The following SENP1 variants were observed in gnomAD, a reference collection of about 807,000 sequenced individuals.
SENP1 encodes the protein sentrin-specific protease 1.
SENP1 carries 21 observed loss-of-function variants against 93.0 expected under a neutral mutation model. That is an observed-to-expected ratio of 0.23 (90% CI 0.16 to 0.33). The LOEUF (loss-of-function observed/expected upper bound fraction) is 0.33. Among genes scored for constraint, SENP1 ranks in the 10% least tolerant of loss-of-function variants. SENP1 has a pLI of 1.00. For synonymous variants in SENP1, 256 were observed against 259.6 expected, an observed-to-expected ratio of 0.99 and a Z score of 0.13; for missense variants, 591 against 758.7, an observed-to-expected ratio of 0.78 and a Z score of 2.60.
intron 6 of SENP1, among the ~76,000 whole-genome samples, 187 bp from the exon 7 acceptor site, chr12:48,074,980 G>A (rs945571857): frequency 6.6e-6 from 1 of 152,044 alleles, no homozygotes; most frequent in Non-Finnish European, 1.5e-5. Context: ...GACAAGCGGG[G>A]AGGATCATTT....
At chr12:48,089,289 T>C in intron 4 of SENP1, 1 of 1,372,600 alleles carries the variant, frequency 7.3e-7, no homozygotes, top group Non-Finnish European at 9.7e-7. Context: ...CTCCCAGGCC[T>C]GGGCCTGAAA....
intron 6 of SENP1, among the ~76,000 whole-genome samples, chr12:48,081,944 A>G (rs1944522577): frequency 6.6e-6 from 1 of 151,948 alleles, no homozygotes. Flanking sequence ...GCTGGAGTGC[A>G]GTGGCGCGAT....
intron 13 of SENP1, among the ~76,000 whole-genome samples, chr12:48,052,379 G>C (rs149240846): frequency 6.6e-6 from 1 of 152,266 alleles, no homozygotes; most frequent in Non-Finnish European, 1.5e-5. Flanking sequence ...GAGAAAAAAT[G>C]TTCTAAAAGG....
Position 48,074,683 on chromosome 12 carries a change from G to T in SENP1, c.656+7C>A. ...AAATTCATCTGAAATATGCTTCTGT[G>T]ACTCACAGGTGTAAAGGAAAATGTG... On this transcript the variant is annotated splice_region_variant and intron_variant, in intron 7 of 17. Coordinates refer to ENST00000549518, the MANE Select transcript of SENP1 (RefSeq NM_001267594.2). 2 of 1,610,930 alleles carry T rather than the reference G, an allele frequency of 1.2e-6. No homozygotes were observed. The highest frequency in any genetic ancestry group is 1.7e-6 in the Non-Finnish European group (2 of 1,177,590).
intron 4 of SENP1, among the ~76,000 whole-genome samples, chr12:48,094,340 A>G (rs952844505): frequency 1.3e-5 from 2 of 152,082 alleles, no homozygotes; most frequent in African/African-American, 2.4e-5. Context: ...TGAACATGTC[A>G]CCACACTCCA....
intron 10 of SENP1, among the ~76,000 whole-genome samples, chr12:48,066,273 GT>G (rs1188632602): frequency 2.0e-5 from 3 of 151,870 alleles, no homozygotes; most frequent in Non-Finnish European, 4.4e-5. Context: ...AGTTCCTTAA[GT>G]GAGACTAAAT....
At chr12:48,092,019 T>A (rs888886278) in intron 4 of SENP1, among the ~76,000 whole-genome samples, 2 of 152,134 alleles carry the variant, frequency 1.3e-5, no homozygotes, top group African/African-American at 2.4e-5. Flanking sequence ...TTTTATTTTT[T>A]AAAAAAATCA....
intron 1 of SENP1, among the ~76,000 whole-genome samples, chr12:48,103,046 G>C (rs913269825): frequency 2.6e-5 from 4 of 152,014 alleles, no homozygotes; most frequent in African/African-American, 7.3e-5. Context: ...CAGATTAAGG[G>C]GGAAAAAATC....
intron 8 of SENP1, among the ~76,000 whole-genome samples, chr12:48,072,534 TTGAACCCAGGACATGCGAGGTTGCAG>T (rs1943776503): frequency 6.6e-6 from 1 of 152,144 alleles, no homozygotes; most frequent in African/African-American, 2.4e-5. Context: ...GCAGAATCGC[TTGAACCCAGGACATGCGAGGTTGCAG>T]TGAACCAAGA....
chr12:48,046,259 T>G, intron 17 of SENP1, 97 bp downstream of exon 17: 1 of 767,718 alleles, frequency 1.3e-6, no homozygotes, highest in Admixed American at 1.9e-5. Flanking sequence ...AAGGTTAGGG[T>G]AGAGGCCCCT....
intron 6 of SENP1, among the ~76,000 whole-genome samples, chr12:48,078,467 G>A (rs376399773): frequency 6.0e-5 from 9 of 151,226 alleles, no homozygotes; most frequent in African/African-American, 2.2e-4. Flanking sequence ...GTTCTTTGGT[G>A]GAGTCTGTAG....
At chr12:48,099,684 T>C (rs1378494466) in intron 2 of SENP1, among the ~76,000 whole-genome samples, 1 of 152,074 alleles carries the variant, frequency 6.6e-6, no homozygotes, top group Non-Finnish European at 1.5e-5. Context: ...TAGTGGCACA[T>C]GCCTGTAATC....
intron 15 of SENP1, 59 bp downstream of exon 15, chr12:48,047,942 C>T: frequency 9.1e-7 from 1 of 1,097,178 alleles, no homozygotes; most frequent in Non-Finnish European, 1.4e-6. Context: ...AGTTCAATTA[C>T]TGGAAAAACA....
At chr12:48,082,690 A>C in intron 6 of SENP1, among the ~76,000 whole-genome samples, 1 of 152,248 alleles carries the variant, frequency 6.6e-6, no homozygotes, top group Admixed American at 6.5e-5. Flanking sequence ...TATATGCTAC[A>C]TTACATTCAC....
rs11838217 is a variant in SENP1 at position 48,087,388 on chromosome 12, G to A, written c.380+1413C>T. On this transcript the variant is annotated intron_variant, in intron 5 of 17. Transcript: ENST00000549518. The stretch of plus-strand genomic sequence containing the variant: ...TTCCCAAAGTATTTGTACTACTTCT[G>A]TAATAACATTTTTTTAAAATAACAG... 4.7e-3 allele frequency among the ~76,000 whole-genome samples: 721 copies of A among 152,112 alleles called. 7 individuals are homozygous for A. Among genetic ancestry groups the A allele is most frequent in the African/African-American group, 0.016 (646 of 41,494 alleles).
At position 48,088,834 on chromosome 12, in the gene SENP1, C is replaced by T. The variant is rs756535781; in HGVS notation, c.347G>A (p.Arg116Gln). 6.2e-6 allele frequency: 10 copies of T among 1,608,966 alleles called. No homozygotes were observed. Among genetic ancestry groups the T allele is most frequent in the African/African-American group, 2.7e-5 (2 of 74,808 alleles). Residue 116 changes from arginine (R) to glutamine (Q), a missense_variant, in exon 5 of 18, where the codon CGA becomes CAA. Arg to Gln is a conservative substitution (Grantham distance 43, BLOSUM62 1). Transcript: ENST00000549518. ...SSSLQKSRNS[R>Q]SLYLETRKTS... is the part of the protein sequence containing the mutation. Reference sequence around the variant, plus strand: ...CTTTCGGGTTTCGAGGTAAAGACTTCGGCTGTTTCTTGATTTTTGTAAAGA... The same window carrying T: ...CTTTCGGGTTTCGAGGTAAAGACTTTGGCTGTTTCTTGATTTTTGTAAAGA...
At chr12:48,085,121 C>T in intron 5 of SENP1, 2 of 1,404,698 alleles carry the variant, frequency 1.4e-6, no homozygotes. Context: ...TGACTGGTTT[C>T]CTGCTGGGCA....
rs79710179 is a variant in SENP1, at chr12:48,054,044, A to C, written c.1408-4912T>G. Among the ~76,000 whole-genome samples the C allele has an allele frequency of 4.7e-3, 722 of 152,326 alleles. 7 individuals are homozygous for C. Among genetic ancestry groups the C allele is most frequent in the African/African-American group, 0.016 (647 of 41,552 alleles). On this transcript the variant is annotated intron_variant, in intron 13 of 17. Coordinates refer to ENST00000549518, the MANE Select transcript of SENP1 (RefSeq NM_001267594.2). ...GTCTTGGGGGGAAAATAATAGAGAG[A>C]CAGGAAATGCTCCAGTTATCCTGCT...
chr12:48,098,352 A>T (rs1413414075), intron 2 of SENP1, among the ~76,000 whole-genome samples: 1 of 151,874 alleles, frequency 6.6e-6, no homozygotes, highest in Admixed American at 6.6e-5. Flanking sequence ...AAATTTAAAA[A>T]TTAGCCAGCA....
Sources: allele counts gnomAD v4.1 joint callset (sites outside exome capture counted in the v4.1 genomes callset), GRCh38; gene constraint gnomAD v4.1.1; transcripts MANE v1.5; gene names NCBI Gene and HGNC (gene_info 2026-07-23, HGNC 2026-07-21).